NTRK3: variants seen among roughly 807,000 people sequenced by gnomAD.
The protein encoded by NTRK3 is NT-3 growth factor receptor.
NTRK3 carries 24 observed loss-of-function variants against 91.7 expected under a neutral mutation model. The observed-to-expected ratio is 0.26, with a 90% confidence interval of 0.19 to 0.37. The LOEUF is 0.37. Ranked by LOEUF, NTRK3 falls within the 10% of genes least tolerant of loss-of-function variation. NTRK3 has a pLI of 1.00. For missense variants in NTRK3, 880 were observed against 1,068.9 expected, an observed-to-expected ratio of 0.82 and a Z score of 2.46; for synonymous variants, 483 against 404.0, an observed-to-expected ratio of 1.20 and a Z score of -2.34.
At chr15:88,148,303 G>A (rs2043067090) in intron 5 of NTRK3, among the ~76,000 whole-genome samples, 3 of 152,192 alleles carry the variant, frequency 2.0e-5, no homozygotes, top group Admixed American at 2.0e-4. Context: ...TATTTATTGA[G>A]GCTACACTGA....
At chr15:88,061,559 C>A (rs1362356910) in intron 13 of NTRK3, among the ~76,000 whole-genome samples, 1 of 152,256 alleles carries the variant, frequency 6.6e-6, no homozygotes, top group Admixed American at 6.5e-5. Context: ...CAGCCGGAAC[C>A]CATGTGGCAT....
chr15:87,912,931 A>AAAAATAT (rs1484111389), intron 17 of NTRK3, among the ~76,000 whole-genome samples: 1 of 36,502 alleles, frequency 2.7e-5, no homozygotes, highest in East Asian at 7.9e-4. Flanking sequence ...AGTAAAAAAA[A>AAAAATAT]ATATATATAT....
intron 5 of NTRK3, among the ~76,000 whole-genome samples, chr15:88,169,010 C>T (rs527404073): frequency 3.3e-5 from 5 of 152,254 alleles, no homozygotes; most frequent in Admixed American, 1.3e-4. Context: ...TATTCCAAGT[C>T]GAGGGAACGG....
intron 6 of NTRK3, among the ~76,000 whole-genome samples, chr15:88,142,445 C>T (rs79053867): frequency 0.015 from 2,359 of 152,352 alleles, 26 homozygotes; most frequent in Non-Finnish European, 0.025. Flanking sequence ...AGGACAGGCA[C>T]TTTGCAGCAC....
At chr15:88,015,890 A>G (rs574926884) in intron 14 of NTRK3, among the ~76,000 whole-genome samples, 46 of 152,104 alleles carry the variant, frequency 3.0e-4, no homozygotes, top group African/African-American at 9.2e-4. Context: ...AGCGGCTCCA[A>G]TGTGAATATA....
At chr15:88,123,979 A>G (rs2053014845) in intron 13 of NTRK3, among the ~76,000 whole-genome samples, 2 of 152,236 alleles carry the variant, frequency 1.3e-5, no homozygotes, top group Middle Eastern at 6.8e-3. Context: ...GCTTCCCATC[A>G]TGGTCTGAAC....
intron 17 of NTRK3, among the ~76,000 whole-genome samples, chr15:87,913,541 C>T (rs927955234): frequency 2.0e-5 from 3 of 152,152 alleles, no homozygotes; most frequent in Admixed American, 2.0e-4. Context: ...AAATTCTTCT[C>T]ATCACTCCAC....
exon 19 of NTRK3, chr15:87,874,324 T>A (rs2064895763): frequency 1.7e-5 from 1 of 59,878 alleles, no homozygotes; most frequent in African/African-American, 8.9e-5. Context: ...CTGCTTACAA[T>A]GGACACAGTA....
chr15:88,188,731 A>T (rs2047148392), intron 3 of NTRK3, among the ~76,000 whole-genome samples: 1 of 152,184 alleles, frequency 6.6e-6, no homozygotes, highest in African/African-American at 2.4e-5. Flanking sequence ...AGTCACAGGC[A>T]TTTCTTGAGA....
chr15:88,215,104 C>T (rs1349246122), intron 3 of NTRK3, among the ~76,000 whole-genome samples: 2 of 152,238 alleles, frequency 1.3e-5, no homozygotes, highest in African/African-American at 2.4e-5. Context: ...TCCCTCACCT[C>T]CTACCCTATG....
rs1268843888 is a variant in NTRK3 at position 87,938,867 on chromosome 15, T to G, written c.1716+1756A>C. ...CACCCTTGTCCATCTGACCATCTCA[T>G]GTCTATGCAGGCACACTGAGCAAGT... is the stretch of plus-strand genomic sequence containing the variant. On this transcript the variant is annotated intron_variant, in intron 15 of 18. Transcript: ENST00000394480. Among the ~76,000 whole-genome samples the G allele has an allele frequency of 3.9e-5, 6 of 152,202 alleles. No individual in the cohort carries two copies. The South Asian group carries it at 1.2e-3, about 32-fold the overall frequency.
intron 13 of NTRK3, among the ~76,000 whole-genome samples, chr15:88,094,846 C>G (rs965233053): frequency 6.6e-6 from 1 of 152,192 alleles, no homozygotes; most frequent in Non-Finnish European, 1.5e-5. Flanking sequence ...TTTCCTGTTG[C>G]TGTCAATTAT....
chr15:88,065,366 T>C (rs2046561561), intron 13 of NTRK3, among the ~76,000 whole-genome samples: 1 of 152,110 alleles, frequency 6.6e-6, no homozygotes, highest in African/African-American at 2.4e-5. Context: ...AAGACTAAAG[T>C]CAAAAGTAAG....
chr15:88,072,861 G>A (rs3825884), intron 13 of NTRK3: 77,816 of 232,488 alleles, frequency 0.33, 13,693 homozygotes, highest in Non-Finnish European at 0.39. Context: ...AGTTATGCGT[G>A]TTCTTTTTCC....
chr15:88,183,625 A>T, intron 4 of NTRK3, 136 bp from the exon 5 acceptor site: 1 of 839,986 alleles, frequency 1.2e-6, no homozygotes, highest in Non-Finnish European at 2.0e-6. Flanking sequence ...CTTCATTGCC[A>T]GTTATCACAG....
intron 13 of NTRK3, among the ~76,000 whole-genome samples, chr15:88,106,498 T>G (rs1169760920): frequency 6.6e-6 from 1 of 152,230 alleles, no homozygotes; most frequent in Non-Finnish European, 1.5e-5. Context: ...AAATGAGCTT[T>G]GCAGAGTAAT....
At chr15:87,945,385 T>C (rs1480114016) in intron 14 of NTRK3, among the ~76,000 whole-genome samples, 1 of 152,224 alleles carries the variant, frequency 6.6e-6, no homozygotes, top group Non-Finnish European at 1.5e-5. Context: ...CCAAGAATTC[T>C]TTCTCTGTAG....
At chr15:87,899,674 A>C (rs2066335615) in intron 17 of NTRK3, among the ~76,000 whole-genome samples, 1 of 152,188 alleles carries the variant, frequency 6.6e-6, no homozygotes, top group African/African-American at 2.4e-5. Flanking sequence ...GCATATTTTA[A>C]TTTCTTCAGT....
At chr15:88,212,587 A>G (rs2049348991) in intron 3 of NTRK3, among the ~76,000 whole-genome samples, 1 of 152,060 alleles carries the variant, frequency 6.6e-6, no homozygotes, top group Non-Finnish European at 1.5e-5. Context: ...TTCCTACCCA[A>G]AAATACAGTA....
Sources: gnomAD v4.1 joint callset for allele counts (sites outside exome capture counted in the v4.1 genomes callset) on GRCh38, gnomAD v4.1.1 for gene constraint, MANE v1.5 for transcripts, NCBI Gene and HGNC (gene_info 2026-07-23, HGNC 2026-07-21) for gene names.